The following SLC26A7 variants were observed in gnomAD, a reference collection of about 807,000 sequenced individuals.
The protein encoded by SLC26A7 is solute carrier family 26 member 7.
Under a neutral mutation model 82.5 loss-of-function variants are expected in SLC26A7, and 59 were observed. That is an observed-to-expected ratio of 0.72 (90% CI 0.58 to 0.89). The LOEUF (loss-of-function observed/expected upper bound fraction) is 0.89. Ranked by LOEUF, SLC26A7 falls within the 40% of genes least tolerant of loss-of-function variation. The pLI is 0.00. For missense variants in SLC26A7, 820 were observed against 793.0 expected, an observed-to-expected ratio of 1.03 and a Z score of -0.41; for synonymous variants, 271 against 274.3, an observed-to-expected ratio of 0.99 and a Z score of 0.12.
chr8:91,381,583 C>G (rs534004811), intron 15 of SLC26A7, among the ~76,000 whole-genome samples: 41 of 152,244 alleles, frequency 2.7e-4, no homozygotes, highest in African/African-American at 8.9e-4. Flanking sequence ...TGCATCCTGA[C>G]CAGGCCCACT....
rs148983324 is a variant in SLC26A7, at chr8:91,297,316, G to C, written c.477+1613G>C. On this transcript the variant is annotated intron_variant, in intron 4 of 18. Transcript: ENST00000276609. ...CATTTTAACCATCTTCTGAAAGTTT[G>C]AAACAATCATCAGGTATTCTGTTAT... Among the ~76,000 whole-genome samples the C allele has an allele frequency of 6.3e-4, 96 of 151,660 alleles. 1 individual carries two copies. Among genetic ancestry groups the C allele is most frequent in the African/African-American group, 2.2e-3 (91 of 41,348 alleles).
intron 2 of SLC26A7, among the ~76,000 whole-genome samples, chr8:91,229,236 T>C (rs1357415835): frequency 2.0e-5 from 3 of 152,222 alleles, no homozygotes; most frequent in African/African-American, 7.2e-5. Flanking sequence ...TTTAAAGTTA[T>C]GATGCCAACC....
Position 91,238,310 on chromosome 8 carries a change from A to C in SLC26A7, c.-33-11309A>C, listed in dbSNP as rs564974600. 1.5e-4 allele frequency among the ~76,000 whole-genome samples: 23 copies of C among 152,086 alleles called. No individual in the cohort carries two copies. In the South Asian group the frequency reaches 4.4e-3, roughly 29 times the overall value. ...GATTCTTTATTCTTTATTTTTCTTC[A>C]TTATGAATAAGTTGATGAGCTCCCT... On this transcript the variant is annotated intron_variant, in intron 2 of 5. Transcript: ENST00000522862.
chr8:91,261,328 T>C (rs1810959251), intron 2 of SLC26A7, among the ~76,000 whole-genome samples: 1 of 152,136 alleles, frequency 6.6e-6, no homozygotes, highest in Non-Finnish European at 1.5e-5. Context: ...CAGAAATGCG[T>C]ACAAAAGTAT....
intron 9 of SLC26A7, chr8:91,348,457 A>G: frequency 1.6e-6 from 1 of 626,754 alleles, no homozygotes; most frequent in Middle Eastern, 7.6e-4. Context: ...GAGCATATAA[A>G]ATAATTGTTT....
chr8:91,229,218 C>T (rs1188477796), intron 2 of SLC26A7, among the ~76,000 whole-genome samples: 1 of 152,176 alleles, frequency 6.6e-6, no homozygotes. Flanking sequence ...CCCTCCCTGG[C>T]CACCCTATTT....
chr8:91,248,280 G>A (rs1205658864), upstream of SLC26A7, among the ~76,000 whole-genome samples: 1 of 151,940 alleles, frequency 6.6e-6, no homozygotes, highest in African/African-American at 2.4e-5. Context: ...AGGTATTTTT[G>A]CACAGACACA....
intron 4 of SLC26A7, among the ~76,000 whole-genome samples, chr8:91,304,466 C>T (rs1487388034): frequency 1.3e-5 from 2 of 152,190 alleles, no homozygotes; most frequent in African/African-American, 4.8e-5. Flanking sequence ...CCATGATTGT[C>T]AGTTTCCTGA....
At chr8:91,354,981 C>A (rs956456012) in intron 11 of SLC26A7, among the ~76,000 whole-genome samples, 10 of 151,986 alleles carry the variant, frequency 6.6e-5, no homozygotes, top group African/African-American at 1.9e-4. Flanking sequence ...GTAGTTTTCC[C>A]AGAACTCATG....
At chr8:91,234,645 G>A (rs935439526) in intron 2 of SLC26A7, among the ~76,000 whole-genome samples, 4 of 152,030 alleles carry the variant, frequency 2.6e-5, no homozygotes, top group Non-Finnish European at 1.5e-5. Context: ...AAACAGACAA[G>A]CCCAAATGAA....
At chr8:91,261,688 C>T (rs1408978949) in intron 2 of SLC26A7, among the ~76,000 whole-genome samples, 1 of 152,000 alleles carries the variant, frequency 6.6e-6, no homozygotes, top group African/African-American at 2.4e-5. Flanking sequence ...TCACTCCTTC[C>T]CTGGAAAGGA....
chr8:91,276,146 A>G (rs1200169392), intron 2 of SLC26A7, among the ~76,000 whole-genome samples: 2 of 152,284 alleles, frequency 1.3e-5, no homozygotes, highest in African/African-American at 4.8e-5. Context: ...CTGTCACTTT[A>G]TGGCCAAGGG....
At position 91,243,282 on chromosome 8, in the gene SLC26A7, A is replaced by C. The variant is rs148969049; in HGVS notation, c.-33-6337A>C. ...GGACTAGATTTACCCTCCTGCTTGA[A>C]ACAAATAAAAATAACCTGATACAAT... is the stretch of plus-strand genomic sequence containing the variant. On this transcript the variant is annotated intron_variant, in intron 2 of 5. Coordinates refer to the SLC26A7 transcript ENST00000522862. 9.8e-5 allele frequency among the ~76,000 whole-genome samples: 15 copies of C among 152,290 alleles called. No individual in the cohort carries two copies. In the East Asian group the frequency reaches 2.9e-3, roughly 29 times the overall value.
At chr8:91,272,931 A>G (rs1165957091) in intron 2 of SLC26A7, among the ~76,000 whole-genome samples, 1 of 152,238 alleles carries the variant, frequency 6.6e-6, no homozygotes, top group African/African-American at 2.4e-5. Context: ...TTATCTGAAC[A>G]GACAAAGGCA....
At chr8:91,232,589 A>G (rs1158970618) in intron 2 of SLC26A7, among the ~76,000 whole-genome samples, 3 of 152,250 alleles carry the variant, frequency 2.0e-5, no homozygotes, top group Non-Finnish European at 4.4e-5. Context: ...ATCTAAAAAA[A>G]TCACATTGGT....
intron 3 of SLC26A7, among the ~76,000 whole-genome samples, chr8:91,294,458 G>A (rs1811962798): frequency 6.6e-6 from 1 of 152,018 alleles, no homozygotes; most frequent in Admixed American, 6.6e-5. Flanking sequence ...TTTCCATTGA[G>A]ACCTGTTTCT....
Position 91,240,160 on chromosome 8 carries a change from T to C in SLC26A7, c.-33-9459T>C, listed in dbSNP as rs574724157. On this transcript the variant is annotated intron_variant, in intron 2 of 5. Coordinates refer to the SLC26A7 transcript ENST00000522862. ...CTTTGCTTGCCAATGTTCTGGTTGG[T>C]TGTCTGCTTCCATATTACAGCACTT... Among the ~76,000 whole-genome samples the C allele has an allele frequency of 2.6e-5, 4 of 152,334 alleles. No individual in the cohort carries two copies. The South Asian group carries it at 8.3e-4, about 32-fold the overall frequency.
Position 91,239,396 on chromosome 8 carries a change from ATAT to A in SLC26A7, c.-33-10222_-33-10220del, listed in dbSNP as rs1267484895. 6.6e-3 allele frequency among the ~76,000 whole-genome samples: 700 copies of A among 105,882 alleles called. 5 individuals are homozygous for A. Among genetic ancestry groups the A allele is most frequent in the African/African-American group, 0.026 (674 of 25,804 alleles). The allele number at this position is 105,882 out of a possible 152,430, so 69.5% of individuals were successfully genotyped here. A position where few individuals can be genotyped will look rare whatever the true frequency, so the allele number is the denominator to read the frequency against. ...GTCTCAAAAAAAAAAAAAAAAAAAA[ATAT>A]ATATATATATATGTATATGTATATA... is the stretch of plus-strand genomic sequence containing the variant. On this transcript the variant is annotated intron_variant, in intron 2 of 5. Transcript: ENST00000522862.
At chr8:91,344,020 A>G in intron 9 of SLC26A7, 1 of 977,204 alleles carries the variant, frequency 1.0e-6, no homozygotes, top group Middle Eastern at 5.3e-4. Context: ...GATGATGATG[A>G]TGATGACGAT....
Sources: allele counts gnomAD v4.1 joint callset (sites outside exome capture counted in the v4.1 genomes callset), GRCh38; gene constraint gnomAD v4.1.1; transcripts MANE v1.5; gene names NCBI Gene and HGNC (gene_info 2026-07-23, HGNC 2026-07-21).